GFM2: variants seen among roughly 807,000 people sequenced by gnomAD.
The protein encoded by GFM2 is GTP dependent ribosome recycling factor mitochondrial 2.
In GFM2, 72 loss-of-function variants were observed where a neutral mutation model predicts 95.4. The ratio of observed to expected loss-of-function variants is 0.76; its 90% CI spans 0.62 to 0.92. The LOEUF (loss-of-function observed/expected upper bound fraction) is 0.92, where lower values mean the gene tolerates loss of function less well. GFM2 is among the 40% of genes least tolerant of loss of function. The probability of loss-of-function intolerance (pLI) is 0.00; values close to 1 mark genes in which losing one functional copy is unlikely to be tolerated. For synonymous variants in GFM2, 276 were observed against 317.5 expected (o/e 0.87, Z 1.39); for missense variants, 825 against 924.1 (o/e 0.89, Z 1.39).
At chr5:74,736,339 T>C (rs765872461) in intron 15 of GFM2, 8 of 982,272 alleles carry the variant, frequency 8.1e-6, no homozygotes, top group Non-Finnish European at 9.7e-6. Context: ...GCTAAAATGC[T>C]AAAGAACAAA....
In GFM2 at chr5:74,738,119, C is replaced by T. The variant is rs6453077; in HGVS notation, c.1320+199G>A. Among the ~76,000 whole-genome samples, 54,119 of 151,922 alleles carry T rather than the reference C, an allele frequency of 0.36. 12,803 individuals carry two copies. The highest frequency in any genetic ancestry group is 0.67 in the African/African-American group (27,933 of 41,430). On this transcript the variant is annotated intron_variant, in intron 14 of 20. Coordinates refer to ENST00000296805, the MANE Select transcript of GFM2 (RefSeq NM_032380.5). Reference sequence around the variant, plus strand: ...AACTTTATATGAATACAATCCATCCCGTCTGTGGTCTTCCGTAATCTACTT... The same window carrying T: ...AACTTTATATGAATACAATCCATCCTGTCTGTGGTCTTCCGTAATCTACTT...
chr5:74,738,054 A>G (rs962360135), intron 14 of GFM2, among the ~76,000 whole-genome samples: 1 of 152,150 alleles, frequency 6.6e-6, no homozygotes, highest in African/African-American at 2.4e-5. Context: ...ATGTATATAC[A>G]TATATATCCA....
intron 1 of GFM2, among the ~76,000 whole-genome samples, chr5:74,765,500 A>C (rs775371213): frequency 3.3e-5 from 5 of 152,218 alleles, no homozygotes; most frequent in Non-Finnish European, 7.3e-5. Flanking sequence ...AGATCAAGGA[A>C]GGCCTCATTC....
chr5:74,747,432 T>C (rs1334120267), intron 8 of GFM2, among the ~76,000 whole-genome samples: 1 of 152,194 alleles, frequency 6.6e-6, no homozygotes, highest in African/African-American at 2.4e-5. Context: ...GCCACTTTGA[T>C]CTCAGAAATA....
At chr5:74,745,582 C>T in intron 10 of GFM2, 96 bp downstream of exon 10, 1 of 1,022,852 alleles carries the variant, frequency 9.8e-7, no homozygotes, top group Non-Finnish European at 1.4e-6. Context: ...CACAGGAGGT[C>T]CTGCAACCAA....
intron 10 of GFM2, among the ~76,000 whole-genome samples, chr5:74,743,611 A>T (rs963211265): frequency 6.6e-6 from 1 of 152,148 alleles, no homozygotes; most frequent in Admixed American, 6.5e-5. Flanking sequence ...TGGCTCCTCA[A>T]CTAGATTACA....
intron 14 of GFM2, among the ~76,000 whole-genome samples, chr5:74,737,988 G>A (rs1360739618): frequency 1.3e-5 from 2 of 151,930 alleles, no homozygotes; most frequent in Non-Finnish European, 2.9e-5. Flanking sequence ...GCTCAAGATA[G>A]GAATAAACCC....
At position 74,746,141 on chromosome 5, in the gene GFM2, G is replaced by A; in HGVS notation, c.633C>T (p.Ile211=). The A allele has an allele frequency of 6.5e-7, 1 of 1,542,212 alleles. No individual in the cohort carries two copies. Among genetic ancestry groups the A allele is most frequent in the Non-Finnish European group, 8.7e-7 (1 of 1,151,496 alleles). The change falls in exon 9 of 21, where the codon ATC becomes ATT. Residue 211 remains isoleucine, a synonymous_variant. Coordinates refer to ENST00000296805, the MANE Select transcript of GFM2 (RefSeq NM_032380.5). ...AAGGCTTTGCCTTTAACTTCTCTCTGATGCTTTCAACTGCATACTTAAAGC... is the reference window on the plus strand; with the variant it reads ...AAGGCTTTGCCTTTAACTTCTCTCTAATGCTTTCAACTGCATACTTAAAGC... ...GASFKYAVES[I]REKLKAKPLL... is the part of the protein sequence containing the mutation.
chr5:74,728,678 T>C (rs1402891650), intron 17 of GFM2, among the ~76,000 whole-genome samples: 2 of 151,938 alleles, frequency 1.3e-5, no homozygotes, highest in Admixed American at 6.6e-5. Flanking sequence ...TTTTTGCTCA[T>C]TGTGCTTTTT....
At position 74,745,852 on chromosome 5, in the gene GFM2, T is replaced by C; in HGVS notation, c.675A>G (p.Pro225=). The change falls in exon 10 of 21, where the codon CCA becomes CCG. Residue 225 remains proline (P), a synonymous_variant. Coordinates refer to ENST00000296805, the MANE Select transcript of GFM2 (RefSeq NM_032380.5). ...CTTTGAAAGTTTTGGCTTCACCAAT[T>C]GGTAACTGTAAGTCAGAGTGAGATT... ...LKAKPLLLQL[P]IGEAKTFKGV... 6.2e-7 allele frequency: 1 copy of C among 1,610,292 alleles called. No homozygotes were observed. The highest frequency in any genetic ancestry group is 8.5e-7 in the Non-Finnish European group (1 of 1,178,592).
chr5:74,745,334 G>A (rs1239120516), intron 10 of GFM2, among the ~76,000 whole-genome samples: 1 of 152,160 alleles, frequency 6.6e-6, no homozygotes, highest in Non-Finnish European at 1.5e-5. Context: ...CGCAGAGCAA[G>A]ACTCCATCTC....
At chr5:74,747,581 C>G (rs1743449123) in intron 8 of GFM2, 111 bp downstream of exon 8, 1 of 595,316 alleles carries the variant, frequency 1.7e-6, no homozygotes, top group Non-Finnish European at 3.0e-6. Context: ...ATATTTATAC[C>G]CTATAATACA....
chr5:74,755,859 G>A (rs910815634), intron 5 of GFM2, among the ~76,000 whole-genome samples: 1 of 152,130 alleles, frequency 6.6e-6, no homozygotes, highest in Admixed American at 6.5e-5. Flanking sequence ...ATCATTCTAT[G>A]AAGCCAGTAT....
intron 14 of GFM2, among the ~76,000 whole-genome samples, 194 bp downstream of exon 14, chr5:74,738,124 G>A (rs531212021): frequency 7.2e-5 from 11 of 152,214 alleles, no homozygotes; most frequent in African/African-American, 2.6e-4. Context: ...CATCCCGTCT[G>A]TGGTCTTCCG....
In GFM2 at chr5:74,725,780, C is replaced by T. The variant is rs749268103; in HGVS notation, c.1913-25G>A. ...CCTAGACAAGGGAAAAAAATTGTATCATACTCTGCTAGATGTGAAGTGAGA... is the reference window on the plus strand; with the variant it reads ...CCTAGACAAGGGAAAAAAATTGTATTATACTCTGCTAGATGTGAAGTGAGA... On this transcript the variant is annotated intron_variant, in intron 18 of 20. Transcript: ENST00000296805. 6 of 1,545,900 alleles carry T rather than the reference C, an allele frequency of 3.9e-6. No homozygotes were observed. In the South Asian group the frequency reaches 6.7e-5, roughly 17 times the overall value.
Position 74,764,276 on chromosome 5 carries a change from G to A in GFM2, c.-24-510C>T, listed in dbSNP as rs375032994. Among the ~76,000 whole-genome samples the A allele has an allele frequency of 5.9e-5, 9 of 152,234 alleles. No individual in the cohort carries two copies. The East Asian group carries it at 1.7e-3, about 29-fold the overall frequency. ...TGATTATAGAAACTAAGCATCTTTA[G>A]TTTAAAAACATTTGCTAAATATTCA... On this transcript the variant is annotated intron_variant, in intron 1 of 20. Coordinates refer to ENST00000296805, the MANE Select transcript of GFM2 (RefSeq NM_032380.5).
chr5:74,721,299 T>G lies in GFM2; in HGVS notation c.*356A>C, dbSNP rs1390332839. ...TTTTTATTGATTGAACCTTTGACCC[T>G]CTATCTTATTACATTTAGAGGCCTG... is the stretch of plus-strand genomic sequence containing the variant. On this transcript the variant is annotated 3_prime_UTR_variant, in exon 21 of 21. Coordinates refer to ENST00000296805, the MANE Select transcript of GFM2 (RefSeq NM_032380.5). The G allele has an allele frequency of 3.5e-6, 3 of 858,678 alleles. No individual in the cohort carries two copies. The highest frequency in any genetic ancestry group is 5.8e-6 in the Non-Finnish European group (3 of 514,004). The allele number at this position is 858,678 out of a possible 1,614,324, so 53.2% of individuals were successfully genotyped here. A position where few individuals can be genotyped will look rare whatever the true frequency, so the allele number is the denominator to read the frequency against.
At chr5:74,753,252 A>G (rs1408619581) in intron 5 of GFM2, among the ~76,000 whole-genome samples, 1 of 152,192 alleles carries the variant, frequency 6.6e-6, no homozygotes, top group Non-Finnish European at 1.5e-5. Context: ...ACACTTAGAC[A>G]AATGCAAAAT....
At chr5:74,739,857 C>T in intron 12 of GFM2, 132 bp downstream of exon 12, 1 of 601,208 alleles carries the variant, frequency 1.7e-6, no homozygotes, top group Non-Finnish European at 2.7e-6. Flanking sequence ...ACTATGATTC[C>T]TTATTACATC....
Sources: allele counts gnomAD v4.1 joint callset (sites outside exome capture counted in the v4.1 genomes callset), GRCh38; gene constraint gnomAD v4.1.1; transcripts MANE v1.5; gene names NCBI Gene and HGNC (gene_info 2026-07-23, HGNC 2026-07-21).